The following TUBA3C variants were observed in gnomAD, a reference collection of about 807,000 sequenced individuals.
TUBA3C encodes tubulin alpha-3C chain.
In TUBA3C, 23 loss-of-function variants were observed where a neutral mutation model predicts 33.4. That is an observed-to-expected ratio of 0.69 (90% CI 0.50 to 0.98). The LOEUF (loss-of-function observed/expected upper bound fraction) is 0.98, where lower values mean the gene tolerates loss of function less well. Ranked by LOEUF, TUBA3C falls within the 50% of genes least tolerant of loss-of-function variation. The pLI, the probability that TUBA3C is intolerant of heterozygous loss-of-function variation, is 0.00. For missense variants in TUBA3C, 402 were observed against 616.0 expected (o/e 0.65, Z 3.68); for synonymous variants, 269 against 250.4 (o/e 1.07, Z -0.70).
In TUBA3C at chr13:19,178,279, G is replaced by A. The variant is rs983622040; in HGVS notation, c.342C>T (p.Ile114=). The change falls in exon 3 of 5, where the codon ATC becomes ATT. Residue 114 remains isoleucine (I), a synonymous_variant. Coordinates refer to ENST00000400113, the MANE Select transcript of TUBA3C (RefSeq NM_006001.3). ...ARGHYTIGKE[I]VDLVLDRIRK... is the part of the protein sequence containing the mutation. ...GGATCCGGTCCAGGACCAGGTCGAC[G>A]ATCTCCTTGCCGATGGTGTAATGGC... The A allele has an allele frequency of 2.6e-5, 42 of 1,614,014 alleles. No homozygotes were observed. The African/African-American group carries it at 3.6e-4, about 14-fold the overall frequency.
At chr13:19,175,158 G>A (rs537133233) in intron 4 of TUBA3C, among the ~76,000 whole-genome samples, 69 of 152,214 alleles carry the variant, frequency 4.5e-4, no homozygotes, top group South Asian at 8.3e-4. Flanking sequence ...AGGCTGAGGC[G>A]GGAGAATGGC....
chr13:19,180,213 T>C (rs1264572240), intron 1 of TUBA3C, among the ~76,000 whole-genome samples: 1 of 152,130 alleles, frequency 6.6e-6, no homozygotes, highest in East Asian at 1.9e-4. Context: ...CTGCTCACCT[T>C]TCATGGGCGA....
intron 4 of TUBA3C, among the ~76,000 whole-genome samples, chr13:19,175,457 G>T (rs561720000): frequency 6.6e-6 from 1 of 152,114 alleles, no homozygotes; most frequent in Non-Finnish European, 1.5e-5. Context: ...GGGCCTGTGC[G>T]TTCTTGTGCT....
In TUBA3C at chr13:19,179,471, G is replaced by A. The variant is rs749216279; in HGVS notation, c.96C>T (p.Pro32=). 1.1e-5 allele frequency: 18 copies of A among 1,613,952 alleles called. No homozygotes were observed. The highest frequency in any genetic ancestry group is 1.0e-4 in the Admixed American group (6 of 59,988). The change falls in exon 2 of 5, where the codon CCC becomes CCT. Residue 32 remains proline (P), a synonymous_variant. Coordinates refer to ENST00000400113, the MANE Select transcript of TUBA3C (RefSeq NM_006001.3). ...ELYCLEHGIQ[P]DGQMPSDKTI... is the part of the protein sequence containing the mutation. Reference sequence around the variant, plus strand: ...TTTTATCACTTGGCATCTGACCATCGGGCTGAATTCCATGTTCCAGGCAGT... The same window carrying A: ...TTTTATCACTTGGCATCTGACCATCAGGCTGAATTCCATGTTCCAGGCAGT...
At chr13:19,180,722 C>G (rs958719853) in intron 1 of TUBA3C, among the ~76,000 whole-genome samples, 9 of 152,002 alleles carry the variant, frequency 5.9e-5, no homozygotes, top group Non-Finnish European at 1.0e-4. Context: ...GTCTCGATCT[C>G]CTGACCTTTT....
rs768912684 is a variant in TUBA3C, at chr13:19,176,939, T to C, written c.1044A>G (p.Pro348=). Residue 348 remains proline (P), a synonymous_variant, in exon 4 of 5, where the codon CCA becomes CCG. Coordinates refer to ENST00000400113, the MANE Select transcript of TUBA3C (RefSeq NM_006001.3). ...KRTIQFVDWC[P]TGFKVGINYQ... is the part of the protein sequence containing the mutation. ...TACCCAGTCATACCTTAAATCCAGTTGGGCACCAATCTACAAACTGGATGG... is the reference window on the plus strand; with the variant it reads ...TACCCAGTCATACCTTAAATCCAGTCGGGCACCAATCTACAAACTGGATGG... 1 of 1,613,676 alleles carries C rather than the reference T, an allele frequency of 6.2e-7. No homozygotes were observed. The highest frequency in any genetic ancestry group is 1.3e-5 in the African/African-American group (1 of 74,968).
At chr13:19,174,205 C>T (rs1383273077) in intron 4 of TUBA3C, 46 bp from the exon 5 acceptor site, 5 of 1,556,498 alleles carry the variant, frequency 3.2e-6, no homozygotes, top group Non-Finnish European at 4.3e-6. Flanking sequence ...TATATCAAAC[C>T]TGGAAATGGT....
At chr13:19,179,611 G>A in intron 1 of TUBA3C, 48 bp from the exon 2 acceptor site, 1 of 1,592,434 alleles carries the variant, frequency 6.3e-7, no homozygotes, top group Non-Finnish European at 8.6e-7. Flanking sequence ...AAGGCAACTT[G>A]AAGCTATATG....
At position 19,179,342 on chromosome 13, in the gene TUBA3C, G is replaced by A. The variant is rs762583240; in HGVS notation, c.225C>T (p.Val75=). 40 of 1,613,820 alleles carry A rather than the reference G, an allele frequency of 2.5e-5. No homozygotes were observed. In the East Asian group the frequency reaches 6.5e-4, roughly 26 times the overall value. ...AVFVDLEPTV[V]DEVRTGTYRQ... is the part of the protein sequence containing the mutation. ...GCCATCCAGGACCCGAGCACCTACC[G>A]ACCACAGTGGGCTCCAGGTCCACAA... The change falls in exon 2 of 5, where the codon GTC becomes GTT. Residue 75 remains valine (V), a splice_region_variant and synonymous_variant. Coordinates refer to ENST00000400113, the MANE Select transcript of TUBA3C (RefSeq NM_006001.3).
chr13:19,180,702 A>G (rs568516745), intron 1 of TUBA3C, among the ~76,000 whole-genome samples: 32 of 152,036 alleles, frequency 2.1e-4, no homozygotes, highest in Non-Finnish European at 2.6e-4. Flanking sequence ...TCACCGTGTT[A>G]GCCAGGATGG....
At chr13:19,176,271 C>T (rs1869176110) in intron 4 of TUBA3C, among the ~76,000 whole-genome samples, 1 of 151,952 alleles carries the variant, frequency 6.6e-6, no homozygotes, top group Non-Finnish European at 1.5e-5. Flanking sequence ...CAAAAATTAG[C>T]TGGGTGTAGT....
Position 19,181,733 on chromosome 13 carries a change from A to G in TUBA3C, c.3+12T>C. On this transcript the variant is annotated intron_variant, in intron 1 of 4. Transcript: ENST00000400113. ...CCTGGGCGTCTGCGGGGTGGGAGTG[A>G]CCTGGCCTTACCATGTTGAGCTCCT... 1 of 1,602,116 alleles carries G rather than the reference A, an allele frequency of 6.2e-7. No homozygotes were observed. Among genetic ancestry groups the G allele is most frequent in the South Asian group, 1.1e-5 (1 of 91,050 alleles).
Position 19,178,272 on chromosome 13 carries a change from G to A in TUBA3C, c.349C>T (p.Leu117=), listed in dbSNP as rs11554039. The A allele has an allele frequency of 6.2e-7, 1 of 1,614,188 alleles. No individual in the cohort carries two copies. Among genetic ancestry groups the A allele is most frequent in the Non-Finnish European group, 8.5e-7 (1 of 1,180,042 alleles). The change falls in exon 3 of 5, where the codon CTG becomes TTG. Residue 117 remains leucine, a synonymous_variant. Transcript: ENST00000400113. ...AGTTTGCGGATCCGGTCCAGGACCA[G>A]GTCGACGATCTCCTTGCCGATGGTG... ...HYTIGKEIVD[L]VLDRIRKLAD...
rs773713953 is a variant in TUBA3C at position 19,173,966 on chromosome 13, T to C, written c.1250A>G (p.Glu417Gly). ...CAGGTCCTCGCGGGCCTCAGAGAACTCCCCCTCCTCCATGCCTTCTCCCAC... is the reference window on the plus strand; with the variant it reads ...CAGGTCCTCGCGGGCCTCAGAGAACCCCCCCTCCTCCATGCCTTCTCCCAC... Reference protein sequence around the residue: ...WYVGEGMEEGEFSEAREDLAA... With the variant: ...WYVGEGMEEGGFSEAREDLAA... Residue 417 changes from glutamate (E) to glycine (G), a missense_variant, in exon 5 of 5, where the codon GAG becomes GGG. Glu to Gly is a moderately conservative substitution (Grantham distance 98). Coordinates refer to ENST00000400113, the MANE Select transcript of TUBA3C (RefSeq NM_006001.3). 8 of 1,609,888 alleles carry C rather than the reference T, an allele frequency of 5.0e-6. No homozygotes were observed. The highest frequency in any genetic ancestry group is 6.8e-6 in the Non-Finnish European group (8 of 1,178,578).
intron 4 of TUBA3C, among the ~76,000 whole-genome samples, chr13:19,175,892 C>A (rs36216409): frequency 6.6e-6 from 1 of 152,066 alleles, no homozygotes; most frequent in Non-Finnish European, 1.5e-5. Context: ...TACAGGTGCC[C>A]GCCACCATAC....
intron 2 of TUBA3C, 43 bp downstream of exon 2, chr13:19,179,298 C>T (rs491873): frequency 0.57 from 917,902 of 1,610,130 alleles, 267,665 homozygotes; most frequent in Non-Finnish European, 0.6. Context: ...CGATGCTCTC[C>T]CACCCTCCTA....
Position 19,176,918 on chromosome 13 carries a change from C to T in TUBA3C, c.1056+9G>A, listed in dbSNP as rs202016854. The T allele has an allele frequency of 1.6e-4, 256 of 1,612,338 alleles. No homozygotes were observed. The highest frequency in any genetic ancestry group is 2.5e-5 in the Non-Finnish European group (29 of 1,178,830). On this transcript the variant is annotated intron_variant, in intron 4 of 4. Transcript: ENST00000400113. ...AAAGGTACAAGGACTCCACATTACC[C>T]AGTCATACCTTAAATCCAGTTGGGC...
chr13:19,181,611 G>GC, intron 1 of TUBA3C, 134 bp downstream of exon 1: 1 of 1,290,558 alleles, frequency 7.7e-7, no homozygotes, highest in Non-Finnish European at 1.1e-6. Flanking sequence ...CCCGCCCTGG[G>GC]CCCCGCATCC....
At chr13:19,181,161 T>A (rs930024936) in intron 1 of TUBA3C, among the ~76,000 whole-genome samples, 8 of 150,578 alleles carry the variant, frequency 5.3e-5, no homozygotes, top group Non-Finnish European at 1.2e-4. Flanking sequence ...CAGCTGACCC[T>A]CCCACCTCAG....
Sources: allele counts gnomAD v4.1 joint callset (sites outside exome capture counted in the v4.1 genomes callset), GRCh38; gene constraint gnomAD v4.1.1; transcripts MANE v1.5; gene names NCBI Gene and HGNC (gene_info 2026-07-23, HGNC 2026-07-21).